The following TOMM22 variants were observed in gnomAD, a reference collection of about 807,000 sequenced individuals.
TOMM22 encodes translocase of outer mitochondrial membrane 22, also known as mitochondrial import receptor subunit TOM22 homolog.
In TOMM22, 3 loss-of-function variants were observed where a neutral mutation model predicts 17.1. The ratio of observed to expected loss-of-function variants is 0.18; its 90% CI spans 0.08 to 0.45. The LOEUF (loss-of-function observed/expected upper bound fraction) is 0.45, where lower values mean the gene tolerates loss of function less well. TOMM22 is among the 20% of genes least tolerant of loss of function. The pLI is 0.99. For missense variants in TOMM22, 159 were observed against 179.5 expected, an observed-to-expected ratio of 0.89 and a Z score of 0.65; for synonymous variants, 91 against 74.0, an observed-to-expected ratio of 1.23 and a Z score of -1.18.
chr22:38,682,483 G>A, intron 2 of TOMM22, 42 bp downstream of exon 2: 1 of 1,566,454 alleles, frequency 6.4e-7, no homozygotes, highest in Non-Finnish European at 8.8e-7. Flanking sequence ...TGCATGGGAT[G>A]GTCGTGGTGC....
chr22:38,683,063 C>T (rs1251992596), intron 3 of TOMM22, 67 bp downstream of exon 3: 5 of 1,340,226 alleles, frequency 3.7e-6, no homozygotes, highest in African/African-American at 1.5e-5. Flanking sequence ...CACATTGGTC[C>T]CCAACCTTTT....
chr22:38,683,767 A>G lies in TOMM22; in HGVS notation c.355A>G (p.Ile119Val). Residue 119 changes from isoleucine (I) to valine (V), a missense_variant and splice_region_variant, in exon 4 of 4, where the codon ATA becomes GTA. By Grantham distance (29) the Ile-to-Val change is conservative. Around this residue, in one of 3 missense-constraint regions of TOMM22, gnomAD observed 33 missense variants for 34.7 expected, o/e 0.95. Transcript: ENST00000216034. ...TTACACCCCTCCTTTTCTTTTCCAG[A>G]TACTTCTAGGACCTAACACAGGGCT... ...EQQQQLQQRQ[I>V]LLGPNTGLSG... The G allele has an allele frequency of 1.2e-6, 2 of 1,613,496 alleles. No homozygotes were observed. The highest frequency in any genetic ancestry group is 1.7e-6 in the Non-Finnish European group (2 of 1,179,582).
At chr22:38,683,450 T>G (rs2092486240) in intron 3 of TOMM22, among the ~76,000 whole-genome samples, 1 of 152,174 alleles carries the variant, frequency 6.6e-6, no homozygotes, top group African/African-American at 2.4e-5. Context: ...GGCAGTAATG[T>G]GAGCGATGGT....
In TOMM22 at chr22:38,684,734, G is replaced by A. The variant is rs1204619569; in HGVS notation, c.*893G>A. ...TACTTCTTTAGTCTATAATGACACT[G>A]TGTAATTATAAAGTATTTGTAGGGA... On this transcript the variant is annotated 3_prime_UTR_variant, in exon 4 of 4. Coordinates refer to ENST00000216034, the MANE Select transcript of TOMM22 (RefSeq NM_020243.5). The A allele has an allele frequency of 6.6e-6, 1 of 151,830 alleles. No individual in the cohort carries two copies. The highest frequency in any genetic ancestry group is 1.5e-5 in the Non-Finnish European group (1 of 68,012). 9.4% of individuals were successfully genotyped at this position (151,830 alleles called of 1,614,324 possible).
rs2092492218 is a variant in TOMM22 at position 38,684,990 on chromosome 22, C to T, written c.*1149C>T. The T allele has an allele frequency of 6.6e-6, 1 of 151,958 alleles. No homozygotes were observed. The highest frequency in any genetic ancestry group is 1.5e-5 in the Non-Finnish European group (1 of 68,006). The allele number at this position is 151,958 out of a possible 1,614,324, so 9.4% of individuals were successfully genotyped here. A position where few individuals can be genotyped will look rare whatever the true frequency, so the allele number is the denominator to read the frequency against. The stretch of plus-strand genomic sequence containing the variant: ...AGAGTCAGGGTTTCGCCTTGTTGCC[C>T]CAGATAGTCTTGAACTCCTGAGTTC... On this transcript the variant is annotated 3_prime_UTR_variant, in exon 4 of 4. Coordinates refer to ENST00000216034, the MANE Select transcript of TOMM22 (RefSeq NM_020243.5).
At position 38,684,027 on chromosome 22, in the gene TOMM22, T is replaced by C. The variant is rs2092488119; in HGVS notation, c.*186T>C. 9 of 568,892 alleles carry C rather than the reference T, an allele frequency of 1.6e-5. No homozygotes were observed. Among genetic ancestry groups the C allele is most frequent in the Middle Eastern group, 9.3e-4 (2 of 2,152 alleles). 35.2% of individuals were successfully genotyped at this position (568,892 alleles called of 1,614,324 possible). ...ACTTGCAACTGTGCCCTCCACACTA[T>C]CCTTACTTCTGTCTCCACTCTGATA... On this transcript the variant is annotated 3_prime_UTR_variant, in exon 4 of 4. Coordinates refer to ENST00000216034, the MANE Select transcript of TOMM22 (RefSeq NM_020243.5).
Position 38,684,132 on chromosome 22 carries a change from C to A in TOMM22, c.*291C>A. ...ACCAAATTGCTCCTAACTGGAAGAT[C>A]TCACTTTCCCCTTGTGGGGTAGGAA... is the stretch of plus-strand genomic sequence containing the variant. On this transcript the variant is annotated 3_prime_UTR_variant, in exon 4 of 4. Transcript: ENST00000216034. 1 of 373,096 alleles carries A rather than the reference C, an allele frequency of 2.7e-6. No individual in the cohort carries two copies. The highest frequency in any genetic ancestry group is 4.9e-6 in the Non-Finnish European group (1 of 202,796). The allele number at this position is 373,096 out of a possible 1,614,324, so 23.1% of individuals were successfully genotyped here.
rs371809288 is a variant in TOMM22 at position 38,683,854 on chromosome 22, G to A, written c.*13G>A. The A allele has an allele frequency of 6.8e-6, 11 of 1,611,714 alleles. No individual in the cohort carries two copies. The highest frequency in any genetic ancestry group is 8.5e-6 in the Non-Finnish European group (10 of 1,178,218). The stretch of plus-strand genomic sequence containing the variant: ...TGGAAAGATCTAGATTGTTATTGCT[G>A]TTTGAGCTGTCTCAGTGGGATAAGT... On this transcript the variant is annotated 3_prime_UTR_variant, in exon 4 of 4. Transcript: ENST00000216034.
chr22:38,683,128 GGGT>G, intron 3 of TOMM22, 132 bp downstream of exon 3: 1 of 550,636 alleles, frequency 1.8e-6, no homozygotes. Context: ...GGTGGGTTGG[GGGT>G]GGCCGGGGGT....
intron 3 of TOMM22, 38 bp from the exon 4 acceptor site, chr22:38,683,729 C>T: frequency 6.5e-7 from 1 of 1,535,988 alleles, no homozygotes; most frequent in Non-Finnish European, 9.0e-7. Flanking sequence ...GCTCTCTAGG[C>T]CTGTATGATG....
Position 38,682,876 on chromosome 22 carries a change from C to T in TOMM22, c.237-3C>T, listed in dbSNP as rs551956565. The stretch of plus-strand genomic sequence containing the variant: ...CTCACCCTCTGGGGATTTTCCTCTG[C>T]AGGTTTTCCAGGGCAGCCTTGTGGA... On this transcript the variant is annotated splice_polypyrimidine_tract_variant and splice_region_variant and intron_variant, in intron 2 of 3. Coordinates refer to ENST00000216034, the MANE Select transcript of TOMM22 (RefSeq NM_020243.5). The T allele has an allele frequency of 8.4e-5, 136 of 1,612,654 alleles. No individual in the cohort carries two copies. In the Middle Eastern group the frequency reaches 1.2e-3, roughly 14 times the overall value.
rs373872763 is a variant in TOMM22 at position 38,682,314 on chromosome 22, C to T, written c.118-9C>T. On this transcript the variant is annotated splice_polypyrimidine_tract_variant and intron_variant, in intron 1 of 3. Coordinates refer to ENST00000216034, the MANE Select transcript of TOMM22 (RefSeq NM_020243.5). Reference sequence around the variant, plus strand: ...TTTTCGGCTAAGACCCGCGTCTACTCCACCACAGCTAGATGAGACCCTGTC... The same window carrying T: ...TTTTCGGCTAAGACCCGCGTCTACTTCACCACAGCTAGATGAGACCCTGTC... 6.8e-5 allele frequency: 109 copies of T among 1,612,632 alleles called. No homozygotes were observed. Among genetic ancestry groups the T allele is most frequent in the Non-Finnish European group, 8.4e-5 (99 of 1,178,868 alleles).
rs751130398 is a variant in TOMM22, at chr22:38,682,030, G to A, written c.52G>A (p.Glu18Lys). Reference sequence around the variant, plus strand: ...TGCAGGGGAACCCCAGTCCCCGGACGAATTGCTCCCGAAAGGCGACGCGGA... The same window carrying A: ...TGCAGGGGAACCCCAGTCCCCGGACAAATTGCTCCCGAAAGGCGACGCGGA... ...AGAGEPQSPD[E>K]LLPKGDAEKP... The change falls in exon 1 of 4, where the codon GAA becomes AAA. Residue 18 changes from glutamate (E) to lysine (K), a missense_variant. Physicochemically the swap from Glu to Lys is moderately conservative, Grantham distance 56. Around this residue, in one of 3 missense-constraint regions of TOMM22, gnomAD observed 107 missense variants for 100.2 expected, o/e 1.07. Transcript: ENST00000216034. The A allele has an allele frequency of 6.2e-7, 1 of 1,609,912 alleles. No individual in the cohort carries two copies. Among genetic ancestry groups the A allele is most frequent in the Non-Finnish European group, 8.5e-7 (1 of 1,178,332 alleles).
chr22:38,682,036 C>T lies in TOMM22; in HGVS notation c.58C>T (p.Leu20Phe), dbSNP rs754623807. Residue 20 changes from leucine (L) to phenylalanine (F), a missense_variant, in exon 1 of 4, where the codon CTC (leucine) becomes TTC (phenylalanine). Physicochemically the swap from Leu to Phe is conservative, Grantham distance 22 (BLOSUM62 0). Transcript: ENST00000216034. ...GGAACCCCAGTCCCCGGACGAATTG[C>T]TCCCGAAAGGCGACGCGGAGAAGCC... Reference protein sequence around the residue: ...AGEPQSPDELLPKGDAEKPEE... With the variant: ...AGEPQSPDELFPKGDAEKPEE... 3.1e-6 allele frequency: 5 copies of T among 1,608,592 alleles called. No individual in the cohort carries two copies. In the African/African-American group the frequency reaches 4.0e-5, roughly 13 times the overall value.
At chr22:38,682,205 G>A in intron 1 of TOMM22, 110 bp downstream of exon 1, 3 of 1,461,354 alleles carry the variant, frequency 2.1e-6, no homozygotes, top group Non-Finnish European at 2.8e-6. Flanking sequence ...CGGGGTTAGG[G>A]GCCCTGCTGG....
At position 38,684,153 on chromosome 22, in the gene TOMM22, A is replaced by T; in HGVS notation, c.*312A>T. ...AGATCTCACTTTCCCCTTGTGGGGT[A>T]GGAACCGATGCCAGTGGGAGGGATG... On this transcript the variant is annotated 3_prime_UTR_variant, in exon 4 of 4. Transcript: ENST00000216034. 9.5e-6 allele frequency: 3 copies of T among 315,418 alleles called. No individual in the cohort carries two copies. Among genetic ancestry groups the T allele is most frequent in the Non-Finnish European group, 1.8e-5 (3 of 166,638 alleles). 19.5% of individuals were successfully genotyped at this position (315,418 alleles called of 1,614,324 possible).
chr22:38,683,083 G>A lies in TOMM22; in HGVS notation c.354+87G>A. 1.3e-5 allele frequency: 12 copies of A among 954,736 alleles called. No homozygotes were observed. The Admixed American group carries it at 2.1e-4, about 17-fold the overall frequency. 59.1% of individuals were successfully genotyped at this position (954,736 alleles called of 1,614,324 possible). On this transcript the variant is annotated intron_variant, in intron 3 of 3. Coordinates refer to ENST00000216034, the MANE Select transcript of TOMM22 (RefSeq NM_020243.5). ...TGGTCCCCAACCTTTTTGGCACCAG[G>A]GACTGGTTTCATGGAACACAGTTTT...
At chr22:38,683,541 C>T (rs2145796319) in intron 3 of TOMM22, among the ~76,000 whole-genome samples, 1 of 152,352 alleles carries the variant, frequency 6.6e-6, no homozygotes, top group Admixed American at 6.5e-5. Context: ...CCTAACAGGC[C>T]ATGGGCCAGT....
Position 38,683,915 on chromosome 22 carries a change from A to G in TOMM22, c.*74A>G, listed in dbSNP as rs186043637. The G allele has an allele frequency of 9.3e-3, 9,967 of 1,075,946 alleles. 21 individuals are homozygous for G. Among genetic ancestry groups the G allele is most frequent in the Non-Finnish European group, 1.0e-2 (7,427 of 742,720 alleles). 66.6% of individuals were successfully genotyped at this position (1,075,946 alleles called of 1,614,324 possible). ...AGTGTTTGAACTGCTGATAATTTGGATTTTTTTTTTTTTTTAACTTTGGCA... is the reference window on the plus strand; with the variant it reads ...AGTGTTTGAACTGCTGATAATTTGGGTTTTTTTTTTTTTTTAACTTTGGCA... On this transcript the variant is annotated 3_prime_UTR_variant, in exon 4 of 4. Transcript: ENST00000216034.
Sources: allele counts gnomAD v4.1 joint callset (sites outside exome capture counted in the v4.1 genomes callset), GRCh38; gene constraint gnomAD v4.1.1; regional missense constraint gnomAD v4.1.1; transcripts MANE v1.5; gene names NCBI Gene and HGNC (gene_info 2026-07-23, HGNC 2026-07-21).